Variants in DACH1 observed in about 807,000 individuals in gnomAD.
DACH1 encodes the protein dachshund homolog 1.
DACH1 carries 12 observed loss-of-function variants against 54.2 expected under a neutral mutation model. The observed-to-expected ratio is 0.22, with a 90% CI of 0.14 to 0.36. DACH1 has a LOEUF of 0.36. Ranked by LOEUF, DACH1 falls within the 10% of genes least tolerant of loss-of-function variation. DACH1 has a pLI of 1.00. For missense variants in DACH1, 805 were observed against 929.8 expected, an observed-to-expected ratio of 0.87 and a Z score of 1.75; for synonymous variants, 386 against 366.2, an observed-to-expected ratio of 1.05 and a Z score of -0.62.
Position 71,866,885 on chromosome 13 carries a change from C to T in DACH1, c.-116G>A. Reference sequence around the variant, plus strand: ...AGGAGCGAGGGGGGCAACAACAACTCCGGGAGAGAACGAGAAGGAGAAAGG... The same window carrying T: ...AGGAGCGAGGGGGGCAACAACAACTTCGGGAGAGAACGAGAAGGAGAAAGG... On this transcript the variant is annotated 5_prime_UTR_variant, in exon 1 of 11. Transcript: ENST00000613252. 1 of 763,186 alleles carries T rather than the reference C, an allele frequency of 1.3e-6. No individual in the cohort carries two copies. The highest frequency in any genetic ancestry group is 1.8e-6 in the Non-Finnish European group (1 of 561,068). The allele number at this position is 763,186 out of a possible 1,614,324, so 47.3% of individuals were successfully genotyped here.
rs116044274 is a variant in DACH1, at chr13:71,844,203, G to A, written c.848+21719C>T. On this transcript the variant is annotated intron_variant, in intron 1 of 10. Transcript: ENST00000613252. ...GTGATTCTGGTATGCTTAAAATTAT[G>A]GTTTTAAGGCTCAACTACAGAGGTT... Among the ~76,000 whole-genome samples the A allele has an allele frequency of 5.2e-3, 788 of 152,234 alleles. 5 individuals are homozygous for A. The highest frequency in any genetic ancestry group is 0.018 in the African/African-American group (727 of 41,540).
intron 2 of DACH1, among the ~76,000 whole-genome samples, chr13:71,646,204 G>T (rs935469310): frequency 6.6e-6 from 1 of 151,970 alleles, no homozygotes; most frequent in Admixed American, 6.6e-5. Context: ...AGGCATGGTG[G>T]CGGGTGCCTG....
At position 71,866,421 on chromosome 13, in the gene DACH1, C is replaced by A. The variant is rs1177026127; in HGVS notation, c.349G>T (p.Gly117Cys). The change falls in exon 1 of 11, where the codon GGC (glycine) becomes TGC (cysteine). Residue 117 changes from glycine (G) to cysteine (C), a missense_variant. By Grantham distance (159) the Gly-to-Cys change is radical (BLOSUM62 -3). Transcript: ENST00000613252. ...CCAGCGCTGATGCCGCCGCCGCCGCCGCCGCTGCCGTTGCTCGCGGCCGCC... is the reference window on the plus strand; with the variant it reads ...CCAGCGCTGATGCCGCCGCCGCCGCAGCCGCTGCCGTTGCTCGCGGCCGCC... The part of the protein sequence containing the change: ...NLAAASNGSG[G>C]GGGGISAGGG... The A allele has an allele frequency of 2.1e-6, 3 of 1,417,156 alleles. No individual in the cohort carries two copies. Among genetic ancestry groups the A allele is most frequent in the African/African-American group, 1.5e-5 (1 of 67,186 alleles). The allele number at this position is 1,417,156 out of a possible 1,614,324, so 87.8% of individuals were successfully genotyped here.
At chr13:71,693,389 G>T (rs1458466191) in intron 1 of DACH1, among the ~76,000 whole-genome samples, 1 of 132,162 alleles carries the variant, frequency 7.6e-6, no homozygotes, top group South Asian at 2.5e-4. Context: ...TGCAAGCTCC[G>T]CCTCCTGGGT....
At chr13:71,680,950 T>C (rs753498285) in intron 2 of DACH1, among the ~76,000 whole-genome samples, 18 of 152,080 alleles carry the variant, frequency 1.2e-4, no homozygotes, top group Non-Finnish European at 2.2e-4. Flanking sequence ...CTGATTACCT[T>C]TCTTGTATCA....
intron 3 of DACH1, among the ~76,000 whole-genome samples, chr13:71,609,199 T>C (rs539220283): frequency 1.3e-4 from 20 of 152,170 alleles, no homozygotes; most frequent in African/African-American, 4.8e-4. Context: ...TAGAGAACTA[T>C]GGAGACTAAA....
intron 1 of DACH1, among the ~76,000 whole-genome samples, chr13:71,836,767 A>G (rs1430834233): frequency 1.3e-5 from 2 of 151,916 alleles, no homozygotes; most frequent in Non-Finnish European, 2.9e-5. Context: ...AATTTCACCT[A>G]TCCCACTCTT....
chr13:71,686,410 C>G (rs1043965986), intron 1 of DACH1, among the ~76,000 whole-genome samples: 1 of 152,140 alleles, frequency 6.6e-6, no homozygotes, highest in East Asian at 1.9e-4. Context: ...CCAGGGGGGT[C>G]TTCTTTCCTT....
At position 71,479,187 on chromosome 13, in the gene DACH1, T is replaced by C. The variant is rs772763290; in HGVS notation, c.1852A>G (p.Met618Val). The part of the protein sequence containing the change: ...LRETLEKQLA[M>V]EQKNRAIVQK... ...GAAATACCTCTATTCTTTTGTTCCA[T>C]AGCCAACTGCTTCTCAAGTGTTTCC... The change falls in exon 8 of 11, where the codon ATG (methionine) becomes GTG (valine). Residue 618 changes from methionine to valine, a missense_variant. By Grantham distance (21) the Met-to-Val change is conservative (BLOSUM62 1). Coordinates refer to ENST00000613252, the MANE Select transcript of DACH1 (RefSeq NM_080759.6). 5 of 1,612,092 alleles carry C rather than the reference T, an allele frequency of 3.1e-6. No individual in the cohort carries two copies. The South Asian group carries it at 3.3e-5, about 11-fold the overall frequency.
In DACH1 at chr13:71,529,194, T is replaced by G. The variant is rs866581592; in HGVS notation, c.1570+27830A>C. 4.8e-3 allele frequency among the ~76,000 whole-genome samples: 692 copies of G among 143,674 alleles called. 15 individuals carry two copies. Among genetic ancestry groups the G allele is most frequent in the African/African-American group, 0.018 (642 of 35,538 alleles). The allele number at this position is 143,674 out of a possible 152,430, so 94.3% of individuals were successfully genotyped here. A position where few individuals can be genotyped will look rare whatever the true frequency, so the allele number is the denominator to read the frequency against. ...ATATTGTGATTTGGGTTTTTTTTTT[T>G]TTTTTTTTTTGAGGCAGAATCTCGC... On this transcript the variant is annotated intron_variant, in intron 6 of 10. Coordinates refer to ENST00000613252, the MANE Select transcript of DACH1 (RefSeq NM_080759.6).
At chr13:71,810,795 G>A (rs1418925399) in intron 1 of DACH1, among the ~76,000 whole-genome samples, 1 of 152,076 alleles carries the variant, frequency 6.6e-6, no homozygotes, top group Admixed American at 6.6e-5. Flanking sequence ...AACTACACTT[G>A]TCAAAATAAA....
At chr13:71,568,047 G>A (rs556854275) in intron 4 of DACH1, among the ~76,000 whole-genome samples, 224 of 151,918 alleles carry the variant, frequency 1.5e-3, no homozygotes, top group African/African-American at 5.2e-3. Context: ...TTACTCAGTC[G>A]TTTAACGTAA....
intron 1 of DACH1, among the ~76,000 whole-genome samples, chr13:71,761,852 T>A (rs1054961866): frequency 6.6e-6 from 1 of 152,160 alleles, no homozygotes. Context: ...CCATATGTGA[T>A]ATTGTCAACA....
chr13:71,491,864 G>T (rs1223435634), intron 6 of DACH1, among the ~76,000 whole-genome samples: 1 of 152,124 alleles, frequency 6.6e-6, no homozygotes, highest in Non-Finnish European at 1.5e-5. Context: ...GTTCTAAGAA[G>T]ATTAAAGCAA....
At chr13:71,858,531 A>G (rs1874150151) in intron 1 of DACH1, among the ~76,000 whole-genome samples, 1 of 151,724 alleles carries the variant, frequency 6.6e-6, no homozygotes, top group South Asian at 2.1e-4. Context: ...CCACTTCAGG[A>G]TTCTTAAAGA....
At chr13:71,815,427 A>C (rs899620075) in intron 1 of DACH1, among the ~76,000 whole-genome samples, 4 of 152,186 alleles carry the variant, frequency 2.6e-5, no homozygotes, top group Non-Finnish European at 5.9e-5. Flanking sequence ...TTGGTGAAGC[A>C]CTTTTTCTTA....
chr13:71,496,573 G>A (rs1031645735), intron 6 of DACH1, among the ~76,000 whole-genome samples: 1 of 151,702 alleles, frequency 6.6e-6, no homozygotes. Context: ...GTGTGGGAAT[G>A]GGGGAGGTTC....
intron 7 of DACH1, among the ~76,000 whole-genome samples, chr13:71,484,201 A>AC (rs11398315): frequency 0.89 from 135,386 of 152,108 alleles, 61,958 homozygotes; most frequent in Non-Finnish European, 0.99. Flanking sequence ...TCACTCAGTC[A>AC]CCCAGGGTGG....
intron 1 of DACH1, among the ~76,000 whole-genome samples, chr13:71,838,909 T>C (rs935948365): frequency 2.0e-5 from 3 of 152,222 alleles, no homozygotes; most frequent in African/African-American, 7.2e-5. Context: ...TTAAGGTGAA[T>C]TCTGTTAACA....
Sources: gnomAD v4.1 joint callset for allele counts (sites outside exome capture counted in the v4.1 genomes callset) on GRCh38, gnomAD v4.1.1 for gene constraint, MANE v1.5 for transcripts, NCBI Gene and HGNC (gene_info 2026-07-23, HGNC 2026-07-21) for gene names.